SPTB: variants seen among roughly 807,000 people sequenced by gnomAD.
SPTB encodes the protein spectrin beta, erythrocytic, also known as spectrin beta chain, erythrocytic.
Under a neutral mutation model 256.2 loss-of-function variants are expected in SPTB, and 45 were observed. The ratio of observed to expected loss-of-function variants is 0.18; its 90% confidence interval spans 0.14 to 0.23. The LOEUF (loss-of-function observed/expected upper bound fraction) is 0.23, where lower values mean the gene tolerates loss of function less well. Ranked by LOEUF, SPTB falls within the 10% of genes least tolerant of loss-of-function variation. The pLI is 1.00. For synonymous variants in SPTB, 1,231 were observed against 1,243.1 expected (o/e 0.99, Z 0.21); for missense variants, 2,715 against 3,040.4 (o/e 0.89, Z 2.52).
intron 1 of SPTB, among the ~76,000 whole-genome samples, chr14:64,864,629 G>A (rs1479764926): frequency 6.6e-6 from 1 of 152,090 alleles, no homozygotes; most frequent in African/African-American, 2.4e-5. Context: ...ATGTGTATAT[G>A]TCTACATGTG....
Position 64,802,423 on chromosome 14 carries a change from C to T in SPTB, c.475-106G>A. On this transcript the variant is annotated intron_variant, in intron 4 of 35. Transcript: ENST00000644917. This position sits in a 1 kb window ranked among gnomAD's most constrained non-coding sequence, Gnocchi z 5.1. ...TCCCTCATCCCCCCTTCACTTAACACTAATTCATCCTTTAAGAGCCAGTAT... is the reference window on the plus strand; with the variant it reads ...TCCCTCATCCCCCCTTCACTTAACATTAATTCATCCTTTAAGAGCCAGTAT... The T allele has an allele frequency of 9.8e-7, 1 of 1,023,134 alleles. No homozygotes were observed. The highest frequency in any genetic ancestry group is 1.5e-6 in the Non-Finnish European group (1 of 668,784). 63.4% of individuals were successfully genotyped at this position (1,023,134 alleles called of 1,614,324 possible).
chr14:64,811,866 T>C (rs921217712), intron 2 of SPTB, among the ~76,000 whole-genome samples: 30 of 152,320 alleles, frequency 2.0e-4, no homozygotes, highest in African/African-American at 6.7e-4. Context: ...AAAACATTCA[T>C]GTATTGCTGG....
rs2082326748 is a variant in SPTB, at chr14:64,774,453, G to A, written c.4917C>T (p.Asn1639=). The A allele has an allele frequency of 1.9e-6, 3 of 1,567,040 alleles. No homozygotes were observed. In the East Asian group the frequency reaches 7.1e-5, roughly 37 times the overall value. The change falls in exon 24 of 36, where the codon AAC becomes AAT. Residue 1639 remains asparagine, a synonymous_variant. Transcript: ENST00000644917. Reference sequence around the variant, plus strand: ...GGGCCCGGCTGGCCAGCTGCTTGATGTTCCGGCCGTAGTCCTCCACCGCAC... The same window carrying A: ...GGGCCCGGCTGGCCAGCTGCTTGATATTCCGGCCGTAGTCCTCCACCGCAC... ...QQRAVEDYGR[N]IKQLASRAQG...
chr14:64,751,089 TATTATAC>T (rs1432399423), intron 33 of SPTB, among the ~76,000 whole-genome samples: 1 of 145,992 alleles, frequency 6.8e-6, no homozygotes, highest in African/African-American at 2.5e-5. Flanking sequence ...AACATTTATA[TATTATAC>T]ATAATATATA....
In SPTB at chr14:64,747,805, C is replaced by G. The variant is rs1036208018; in HGVS notation, c.*1501G>C. 1 of 133,888 alleles carries G rather than the reference C, an allele frequency of 7.5e-6. No homozygotes were observed. Among genetic ancestry groups the G allele is most frequent in the Admixed American group, 7.5e-5 (1 of 13,366 alleles). The allele number at this position is 133,888 out of a possible 1,614,324, so 8.3% of individuals were successfully genotyped here. On this transcript the variant is annotated 3_prime_UTR_variant, in exon 36 of 36. Coordinates refer to ENST00000644917, the MANE Select transcript of SPTB (RefSeq NM_001355436.2). ...GAAAATGCCTGCTGCCCTCCGCCCT[C>G]CCCCCCACCCCCGACCCGCTTGACT...
At chr14:64,794,726 G>A in intron 12 of SPTB, 109 bp from the exon 13 acceptor site, 1 of 1,396,272 alleles carries the variant, frequency 7.2e-7, no homozygotes. Flanking sequence ...GCAAGGGTGA[G>A]CCAAATGCAG....
chr14:64,796,440 G>A lies in SPTB; in HGVS notation c.1341+117C>T, dbSNP rs1198740228. On this transcript the variant is annotated intron_variant, in intron 11 of 35. Coordinates refer to ENST00000644917, the MANE Select transcript of SPTB (RefSeq NM_001355436.2). This position sits in a 1 kb window ranked among gnomAD's most constrained non-coding sequence, Gnocchi z 4.1. Reference sequence around the variant, plus strand: ...TGATCCACTGGATCACGGGGGAGCTGTGCTGCAAGGCACGAGGAGAGGCTG... The same window carrying A: ...TGATCCACTGGATCACGGGGGAGCTATGCTGCAAGGCACGAGGAGAGGCTG... The A allele has an allele frequency of 1.2e-5, 17 of 1,366,906 alleles. No individual in the cohort carries two copies. The highest frequency in any genetic ancestry group is 1.7e-5 in the Non-Finnish European group (16 of 966,020). The allele number at this position is 1,366,906 out of a possible 1,614,324, so 84.7% of individuals were successfully genotyped here.
In SPTB at chr14:64,779,837, A is replaced by G. The variant is rs2082431970; in HGVS notation, c.4361T>C (p.Leu1454Ser). 2 of 1,613,956 alleles carry G rather than the reference A, an allele frequency of 1.2e-6. No individual in the cohort carries two copies. Among genetic ancestry groups the G allele is most frequent in the African/African-American group, 1.3e-5 (1 of 74,886 alleles). Residue 1454 changes from leucine (L) to serine (S), a missense_variant, in exon 21 of 36, where the codon TTG (leucine) becomes TCG (serine). Transcript: ENST00000644917. The surrounding 1 kb of genome is among the most constrained non-coding windows in gnomAD (Gnocchi z 4.2). ...GTCCAGGAACCGCTTCTCGATGCTC[A>G]AGTCTGCATCTCCTCCCTCCTCTCC... ...SMGEEGGDADLSIEKRFLDLL... is the reference protein window; with the variant it reads ...SMGEEGGDADSSIEKRFLDLL...
chr14:64,831,089 G>A (rs577292017), intron 1 of SPTB, among the ~76,000 whole-genome samples: 1 of 152,244 alleles, frequency 6.6e-6, no homozygotes, highest in South Asian at 2.1e-4. Flanking sequence ...GGGCAGGCAA[G>A]ATGGGCTCAG....
At position 64,816,021 on chromosome 14, in the gene SPTB, G is replaced by A. The variant is rs1179370575; in HGVS notation, c.148+6926C>T. On this transcript the variant is annotated intron_variant, in intron 2 of 35. Coordinates refer to ENST00000644917, the MANE Select transcript of SPTB (RefSeq NM_001355436.2). This position sits in a 1 kb window ranked among gnomAD's most constrained non-coding sequence, Gnocchi z 4.2. ...GCTCAAACAGCGTCTTCTCTTTACC[G>A]GACTTCTGCACAGCCTCTCCACAAC... Among the ~76,000 whole-genome samples, 7 of 152,092 alleles carry A rather than the reference G, an allele frequency of 4.6e-5. No homozygotes were observed. Among genetic ancestry groups the A allele is most frequent in the South Asian group, 2.1e-4 (1 of 4,818 alleles).
intron 1 of SPTB, among the ~76,000 whole-genome samples, chr14:64,848,044 G>C (rs762770964): frequency 6.6e-6 from 1 of 152,148 alleles, no homozygotes; most frequent in Non-Finnish European, 1.5e-5. Context: ...GGGAGTCCAT[G>C]GCCCTCTTTG....
intron 1 of SPTB, among the ~76,000 whole-genome samples, chr14:64,838,530 T>A (rs2083559284): frequency 6.6e-6 from 1 of 151,882 alleles, no homozygotes; most frequent in African/African-American, 2.4e-5. Context: ...TATAAAAAAC[T>A]CAAAACTCAT....
At position 64,790,146 on chromosome 14, in the gene SPTB, T is replaced by C. The variant is rs2082646110; in HGVS notation, c.2804+1573A>G. Among the ~76,000 whole-genome samples the C allele has an allele frequency of 1.3e-5, 2 of 152,016 alleles. No individual in the cohort carries two copies. Among genetic ancestry groups the C allele is most frequent in the Admixed American group, 1.3e-4 (2 of 15,266 alleles). On this transcript the variant is annotated intron_variant, in intron 15 of 35. Coordinates refer to ENST00000644917, the MANE Select transcript of SPTB (RefSeq NM_001355436.2). The surrounding 1 kb of genome is among the most constrained non-coding windows in gnomAD (Gnocchi z 4.8). ...ATAGGCTGCCGGGTGAGGGAGTGAG[T>C]TCCCCATCACTGGCTAGACTGGGTG...
In SPTB at chr14:64,782,302, C is replaced by G. The variant is rs1021660417; in HGVS notation, c.4254G>C (p.Leu1418Phe). Residue 1418 changes from leucine (L) to phenylalanine (F), a missense_variant, in exon 20 of 36, where the codon TTG becomes TTC. By Grantham distance (22) the Leu-to-Phe change is conservative (BLOSUM62 0). Coordinates refer to ENST00000644917, the MANE Select transcript of SPTB (RefSeq NM_001355436.2). Reference sequence around the variant, plus strand: ...CCCACTCACGTGCCTTCAGCTTAGCCAACATCCGATTGACACTGGTCAGGT... The same window carrying G: ...CCCACTCACGTGCCTTCAGCTTAGCGAACATCCGATTGACACTGGTCAGGT... The part of the protein sequence containing the change: ...GKDLTSVNRM[L>F]AKLKRVEDQV... The G allele has an allele frequency of 1.2e-6, 2 of 1,614,216 alleles. No individual in the cohort carries two copies. The highest frequency in any genetic ancestry group is 4.5e-5 in the East Asian group (2 of 44,878).
intron 32 of SPTB, among the ~76,000 whole-genome samples, chr14:64,766,197 T>A (rs965656772): frequency 1.4e-4 from 20 of 146,698 alleles, no homozygotes; most frequent in Admixed American, 1.4e-3. Context: ...TGTATGTGGG[T>A]GTGTGGTTGT....
At chr14:64,761,316 T>G (rs1417297982) in intron 32 of SPTB, among the ~76,000 whole-genome samples, 1 of 152,100 alleles carries the variant, frequency 6.6e-6, no homozygotes, top group African/African-American at 2.4e-5. Flanking sequence ...GCCAAAGAGA[T>G]GAAGAGATGG....
rs1369819020 is a variant in SPTB at position 64,806,732 on chromosome 14, A to G, written c.149-1642T>C. 1.3e-5 allele frequency among the ~76,000 whole-genome samples: 2 copies of G among 152,290 alleles called. No homozygotes were observed. The highest frequency in any genetic ancestry group is 1.3e-4 in the Admixed American group (2 of 15,296). On this transcript the variant is annotated intron_variant, in intron 2 of 35. Coordinates refer to ENST00000644917, the MANE Select transcript of SPTB (RefSeq NM_001355436.2). The surrounding 1 kb of genome is among the most constrained non-coding windows in gnomAD (Gnocchi z 4.1). The stretch of plus-strand genomic sequence containing the variant: ...GGGTGGTGGTGGGGAACTCAAGGAC[A>G]AGACTGATGGTCCCTATCCTTGAGG...
Position 64,866,287 on chromosome 14 carries a change from T to A in SPTB, c.-52+13505A>T, listed in dbSNP as rs1486464487. On this transcript the variant is annotated intron_variant, in intron 1 of 35. Coordinates refer to ENST00000644917, the MANE Select transcript of SPTB (RefSeq NM_001355436.2). The surrounding 1 kb of genome is among the most constrained non-coding windows in gnomAD (Gnocchi z 4.6). The stretch of plus-strand genomic sequence containing the variant: ...ACTGTCAGCTCTCCATCGAGTTTGC[T>A]GACTGTTGTCTGCTTATCGCTGGCC... Among the ~76,000 whole-genome samples, 1 of 152,202 alleles carries A rather than the reference T, an allele frequency of 6.6e-6. No individual in the cohort carries two copies. The highest frequency in any genetic ancestry group is 2.4e-5 in the African/African-American group (1 of 41,466).
Position 64,750,117 on chromosome 14 carries a change from C to T in SPTB, c.6640G>A (p.Glu2214Lys). The change falls in exon 34 of 36, where the codon GAG becomes AAG. Residue 2214 changes from glutamate to lysine, a missense_variant. By Grantham distance (56) the Glu-to-Lys change is moderately conservative. Coordinates refer to ENST00000644917, the MANE Select transcript of SPTB (RefSeq NM_001355436.2). ...NNLYCVLRNS[E>K]LTFYKDAKNL... ...TTGGCATCCTTGTAGAAGGTTAGCT[C>T]ACTGTTCCTGAGCACACAGTACAGG... The T allele has an allele frequency of 1.2e-6, 2 of 1,614,152 alleles. No individual in the cohort carries two copies. The highest frequency in any genetic ancestry group is 1.7e-6 in the Non-Finnish European group (2 of 1,180,012).
Sources: allele counts gnomAD v4.1 joint callset (sites outside exome capture counted in the v4.1 genomes callset), GRCh38; gene constraint gnomAD v4.1.1; non-coding constraint Gnocchi (gnomAD v3.1); transcripts MANE v1.5; gene names NCBI Gene and HGNC (gene_info 2026-07-23, HGNC 2026-07-21).